CCDC134: variants seen among roughly 807,000 people sequenced by gnomAD.
The protein encoded by CCDC134 is coiled-coil domain containing 134, also known as coiled-coil domain-containing protein 134.
Under a neutral mutation model 25.6 loss-of-function variants are expected in CCDC134, and 27 were observed. The observed-to-expected ratio is 1.05, with a 90% CI of 0.78 to 1.45. CCDC134 has a LOEUF of 1.45. Among genes scored for constraint, CCDC134 ranks in the 40% most tolerant of loss-of-function variants. The pLI is 0.00. For missense variants in CCDC134, 261 were observed against 286.7 expected (o/e 0.91, Z 0.65); for synonymous variants, 110 against 115.0 (o/e 0.96, Z 0.28).
intron 2 of CCDC134, among the ~76,000 whole-genome samples, chr22:41,809,225 G>A (rs945600970): frequency 7.2e-5 from 11 of 152,204 alleles, no homozygotes; most frequent in African/African-American, 2.4e-4. Context: ...AGTGAGGACT[G>A]TGCATGGCCT....
chr22:41,804,294 A>G (rs2076557682), intron 1 of CCDC134, among the ~76,000 whole-genome samples: 1 of 152,174 alleles, frequency 6.6e-6, no homozygotes, highest in African/African-American at 2.4e-5. Flanking sequence ...TTCCTGTGTG[A>G]CCCATACATT....
intron 6 of CCDC134, among the ~76,000 whole-genome samples, chr22:41,814,953 C>G (rs1194433566): frequency 1.3e-5 from 2 of 152,094 alleles, no homozygotes; most frequent in Non-Finnish European, 2.9e-5. Context: ...TGGAGAAATT[C>G]ATGATTTTTA....
At chr22:41,803,666 G>T (rs1159938887) in intron 1 of CCDC134, among the ~76,000 whole-genome samples, 2 of 152,092 alleles carry the variant, frequency 1.3e-5, no homozygotes, top group African/African-American at 4.8e-5. Context: ...TACTCGGGAG[G>T]CTGAGGCAGG....
intron 1 of CCDC134, among the ~76,000 whole-genome samples, chr22:41,801,682 A>G (rs573179534): frequency 7.4e-4 from 113 of 152,200 alleles, no homozygotes; most frequent in African/African-American, 2.7e-3. Context: ...TCTTATCCCT[A>G]CTAGAGACAA....
intron 1 of CCDC134, among the ~76,000 whole-genome samples, chr22:41,807,561 C>CA (rs34676090): frequency 0.71 from 93,357 of 131,930 alleles, 32,541 homozygotes; most frequent in African/African-American, 0.8. Context: ...GACCCTGTCT[C>CA]AAAAAAAAAA....
chr22:41,818,056 A>G (rs2076631418), intron 6 of CCDC134, among the ~76,000 whole-genome samples: 1 of 152,206 alleles, frequency 6.6e-6, no homozygotes, highest in African/African-American at 2.4e-5. Flanking sequence ...CACAGGACTC[A>G]GCATATGGTC....
chr22:41,823,655 G>C (rs1488835229), intron 6 of CCDC134, among the ~76,000 whole-genome samples: 7 of 152,100 alleles, frequency 4.6e-5, no homozygotes, highest in Non-Finnish European at 1.0e-4. Flanking sequence ...TCCCGTTCAG[G>C]GTCCAGCCTC....
At chr22:41,816,188 C>G (rs940958094) in intron 6 of CCDC134, among the ~76,000 whole-genome samples, 1 of 152,196 alleles carries the variant, frequency 6.6e-6, no homozygotes, top group African/African-American at 2.4e-5. Flanking sequence ...ATTCCATGAC[C>G]CATTCTCTCC....
At chr22:41,819,856 G>C (rs949382551) in intron 6 of CCDC134, among the ~76,000 whole-genome samples, 6 of 150,942 alleles carry the variant, frequency 4.0e-5, no homozygotes, top group African/African-American at 1.5e-4. Context: ...GGAGTGTCAG[G>C]AGATGGGGTC....
chr22:41,809,645 A>G (rs906327085), intron 2 of CCDC134, among the ~76,000 whole-genome samples: 1 of 152,194 alleles, frequency 6.6e-6, no homozygotes, highest in Non-Finnish European at 1.5e-5. Context: ...GGCAGGAGCC[A>G]GGTCTGGAGG....
chr22:41,819,999 AAT>A (rs2076642758), intron 6 of CCDC134, among the ~76,000 whole-genome samples: 6 of 109,026 alleles, frequency 5.5e-5, no homozygotes, highest in East Asian at 2.6e-4. Flanking sequence ...ATATATATAT[AAT>A]TTTTTTTTTT....
At position 41,831,000 on chromosome 22, in the gene CCDC134, C is replaced by T. The variant is rs912667657; in HGVS notation, c.*5177C>T. 1.3e-5 allele frequency among the ~76,000 whole-genome samples: 2 copies of T among 151,528 alleles called. No homozygotes were observed. Among genetic ancestry groups the T allele is most frequent in the Non-Finnish European group, 2.9e-5 (2 of 67,970 alleles). ...TCCCGGGTTCAAGCAAGTCTCCTGCCTCAGCTTCCTGAGTAGCTGGGATTA... is the reference window on the plus strand; with the variant it reads ...TCCCGGGTTCAAGCAAGTCTCCTGCTTCAGCTTCCTGAGTAGCTGGGATTA... On this transcript the variant is annotated 3_prime_UTR_variant, in exon 7 of 7. Coordinates refer to ENST00000255784, the MANE Select transcript of CCDC134 (RefSeq NM_024821.5).
chr22:41,810,516 A>T (rs191460443), intron 4 of CCDC134, among the ~76,000 whole-genome samples: 1,817 of 59,186 alleles, frequency 0.031, 51 homozygotes, highest in African/African-American at 0.12. Flanking sequence ...TTTTTTTTTG[A>T]GACAGAGTCT....
At chr22:41,823,067 A>G (rs1352210441) in intron 6 of CCDC134, among the ~76,000 whole-genome samples, 2 of 152,252 alleles carry the variant, frequency 1.3e-5, no homozygotes, top group Non-Finnish European at 2.9e-5. Context: ...AGTTGTAGGC[A>G]TAGTAAATCT....
chr22:41,807,050 AAAAACAAAAC>A (rs764806365), intron 1 of CCDC134, among the ~76,000 whole-genome samples: 17 of 152,160 alleles, frequency 1.1e-4, no homozygotes, highest in Non-Finnish European at 1.9e-4. Context: ...TCCGTCTCAA[AAAAACAAAAC>A]AAAACAAAAA....
rs1375543118 is a variant in CCDC134 at position 41,829,336 on chromosome 22, C to T, written c.*3513C>T. 6.6e-6 allele frequency among the ~76,000 whole-genome samples: 1 copy of T among 152,190 alleles called. No homozygotes were observed. The highest frequency in any genetic ancestry group is 1.5e-5 in the Non-Finnish European group (1 of 68,044). ...ACTCTCTCTTCCGGATTCTTCTTTC[C>T]TCACCTGCCCCCGTTTGCATGAAGT... On this transcript the variant is annotated 3_prime_UTR_variant, in exon 7 of 7. Transcript: ENST00000255784.
intron 1 of CCDC134, among the ~76,000 whole-genome samples, chr22:41,806,214 ATTTTTTTTT>A (rs60425249): frequency 8.3e-6 from 1 of 121,006 alleles, no homozygotes; most frequent in African/African-American, 3.8e-5. Flanking sequence ...TAGGCGACTA[ATTTTTTTTT>A]TTTTTTTTTT....
chr22:41,813,360 G>A lies in CCDC134; in HGVS notation c.407G>A (p.Trp136Ter), dbSNP rs2076606630. Residue 136 changes from tryptophan (W) to a stop codon, truncating the protein, a stop_gained, in exon 5 of 7, where the codon TGG becomes TAG. Transcript: ENST00000255784. LOFTEE classifies it high-confidence loss of function. ...VHYYFDHNSN[W>*]NLLIRWGISF... ...TATTACTTTGACCACAACTCCAACT[G>A]GAACCTCCTCATCCGCTGGGGTATC... is the stretch of plus-strand genomic sequence containing the variant. 1.2e-6 allele frequency: 2 copies of A among 1,614,148 alleles called. No individual in the cohort carries two copies. The highest frequency in any genetic ancestry group is 1.7e-6 in the Non-Finnish European group (2 of 1,180,022).
chr22:41,813,497 A>G lies in CCDC134; in HGVS notation c.492+52A>G, dbSNP rs755935696. ...GGAGCCCTCTGTCGGGTAGTGGACT[A>G]GGATCCTCACATCTGCCTTCAGTTG... is the stretch of plus-strand genomic sequence containing the variant. On this transcript the variant is annotated intron_variant, in intron 5 of 6. Transcript: ENST00000255784. The G allele has an allele frequency of 2.5e-6, 4 of 1,592,812 alleles. No individual in the cohort carries two copies. The Admixed American group carries it at 5.1e-5, about 20-fold the overall frequency.
Sources: gnomAD v4.1 joint callset for allele counts (sites outside exome capture counted in the v4.1 genomes callset) on GRCh38, gnomAD v4.1.1 for gene constraint, MANE v1.5 for transcripts, NCBI Gene and HGNC (gene_info 2026-07-23, HGNC 2026-07-21) for gene names.